Variants in TSPAN9 observed in about 807,000 individuals in gnomAD.
TSPAN9 encodes tetraspanin 9, also known as tetraspanin-9.
TSPAN9 carries 16 observed loss-of-function variants against 31.0 expected under a neutral mutation model. The observed-to-expected ratio is 0.52, with a 90% CI of 0.35 to 0.78. The LOEUF (loss-of-function observed/expected upper bound fraction) is 0.78. Among genes scored for constraint, TSPAN9 ranks in the 30% least tolerant of loss-of-function variants. TSPAN9 has a pLI of 0.01. For synonymous variants in TSPAN9, 145 were observed against 121.6 expected (o/e 1.19, Z -1.27); for missense variants, 272 against 312.5 (o/e 0.87, Z 0.98).
At chr12:3,111,245 T>C (rs1196451860) in intron 2 of TSPAN9, among the ~76,000 whole-genome samples, 2 of 152,170 alleles carry the variant, frequency 1.3e-5, no homozygotes, top group Admixed American at 6.5e-5. Flanking sequence ...AGATCCTACC[T>C]CCTCGTAACA....
At chr12:3,159,416 C>T (rs2098343907) in intron 2 of TSPAN9, among the ~76,000 whole-genome samples, 1 of 152,168 alleles carries the variant, frequency 6.6e-6, no homozygotes, top group Non-Finnish European at 1.5e-5. Context: ...ATCACACTCT[C>T]CCATTGTTAC....
intron 2 of TSPAN9, among the ~76,000 whole-genome samples, chr12:3,103,701 T>C (rs1440831146): frequency 2.0e-5 from 3 of 152,206 alleles, no homozygotes; most frequent in Non-Finnish European, 4.4e-5. Context: ...CTCAAAGGAC[T>C]AGCACCTGGA....
chr12:3,081,844 G>GTGTGTATATATATATATATATATATATA (rs57812985), intron 1 of TSPAN9, among the ~76,000 whole-genome samples: 47 of 116,760 alleles, frequency 4.0e-4, no homozygotes, highest in African/African-American at 1.7e-3. Context: ...GTCTGTGTGT[G>GTGTGTATATATATATATATATATATATA]TATATATATG....
rs1471143031 is a variant in TSPAN9 at position 3,281,297 on chromosome 12, G to C, written c.532G>C (p.Gly178Arg). ...RCCMENSQGCGRNATTPLWRT... is the reference protein window; with the variant it reads ...RCCMENSQGCRRNATTPLWRT... ...CTGCATGGAGAACTCCCAGGGCTGC[G>C]GGCGCAACGCCACCACGCCTTTGTG... Residue 178 changes from glycine to arginine, a missense_variant, in exon 7 of 9, where the codon GGG becomes CGG. Physicochemically the swap from Gly to Arg is moderately radical, Grantham distance 125. Transcript: ENST00000011898. The C allele has an allele frequency of 3.9e-6, 6 of 1,550,642 alleles. No homozygotes were observed. The highest frequency in any genetic ancestry group is 5.2e-6 in the Non-Finnish European group (6 of 1,146,738).
At chr12:3,141,635 G>A (rs567658308) in intron 2 of TSPAN9, among the ~76,000 whole-genome samples, 4 of 152,260 alleles carry the variant, frequency 2.6e-5, no homozygotes, top group African/African-American at 4.8e-5. Context: ...CTGACTCCTC[G>A]GTGTGCACGT....
At chr12:3,104,422 G>A (rs530878077) in intron 2 of TSPAN9, among the ~76,000 whole-genome samples, 1 of 152,024 alleles carries the variant, frequency 6.6e-6, no homozygotes, top group South Asian at 2.1e-4. Flanking sequence ...GCATGATCAT[G>A]GCTCACTGAA....
intron 2 of TSPAN9, among the ~76,000 whole-genome samples, chr12:3,130,716 T>A (rs933901985): frequency 9.2e-5 from 14 of 152,188 alleles, no homozygotes; most frequent in African/African-American, 2.7e-4. Context: ...GTCAGTGAGA[T>A]AACCTACACA....
chr12:3,272,125 G>A (rs892257269), intron 3 of TSPAN9, among the ~76,000 whole-genome samples: 1 of 152,156 alleles, frequency 6.6e-6, no homozygotes, highest in African/African-American at 2.4e-5. Flanking sequence ...AGGGTGTCAG[G>A]GGGGCCAGGT....
chr12:3,118,700 T>A (rs1264025452), intron 2 of TSPAN9, among the ~76,000 whole-genome samples: 1 of 152,200 alleles, frequency 6.6e-6, no homozygotes, highest in Non-Finnish European at 1.5e-5. Context: ...TCCCTGCAGC[T>A]GTGCCCAGTG....
At chr12:3,223,914 C>T (rs1034963635) in intron 3 of TSPAN9, among the ~76,000 whole-genome samples, 1 of 152,068 alleles carries the variant, frequency 6.6e-6, no homozygotes, top group Admixed American at 6.5e-5. Context: ...TGCTGGGTTC[C>T]ATCTCCTGAA....
intron 2 of TSPAN9, among the ~76,000 whole-genome samples, chr12:3,158,002 T>A (rs1436383753): frequency 6.6e-6 from 1 of 150,940 alleles, no homozygotes; most frequent in African/African-American, 2.4e-5. Flanking sequence ...CTTTATCTAC[T>A]AAAAAAAAAG....
intron 2 of TSPAN9, among the ~76,000 whole-genome samples, chr12:3,142,462 C>T (rs1256552085): frequency 6.6e-6 from 1 of 152,122 alleles, no homozygotes; most frequent in Non-Finnish European, 1.5e-5. Flanking sequence ...AGATGTGGGA[C>T]AAGGGCTGTG....
intron 2 of TSPAN9, among the ~76,000 whole-genome samples, chr12:3,084,955 C>T (rs897838089): frequency 6.6e-5 from 10 of 152,216 alleles, no homozygotes; most frequent in African/African-American, 9.6e-5. Flanking sequence ...GTCCTCCTCC[C>T]GCCTCCCTGG....
At chr12:3,111,531 C>G (rs1358167184) in intron 2 of TSPAN9, among the ~76,000 whole-genome samples, 1 of 151,676 alleles carries the variant, frequency 6.6e-6, no homozygotes, top group Non-Finnish European at 1.5e-5. Context: ...TAAAACTGCT[C>G]TCCTTTACTG....
At chr12:3,081,832 G>GTATATA (rs1190118465) in intron 1 of TSPAN9, among the ~76,000 whole-genome samples, 1 of 28,126 alleles carries the variant, frequency 3.6e-5, no homozygotes, top group Non-Finnish European at 5.7e-5. Flanking sequence ...GTGTGTGTGT[G>GTATATA]TGTCTGTGTG....
intron 2 of TSPAN9, among the ~76,000 whole-genome samples, chr12:3,129,392 T>C (rs1312660149): frequency 6.6e-6 from 1 of 152,220 alleles, no homozygotes; most frequent in African/African-American, 2.4e-5. Flanking sequence ...ATCCCCTTTA[T>C]GAAGCTGTAA....
At chr12:3,218,664 G>A (rs1336812709) in intron 3 of TSPAN9, among the ~76,000 whole-genome samples, 2 of 152,208 alleles carry the variant, frequency 1.3e-5, no homozygotes, top group South Asian at 2.1e-4. Context: ...GAAGGAGAAG[G>A]CACCAGGAAG....
chr12:3,263,574 A>C (rs1435024716), intron 3 of TSPAN9, among the ~76,000 whole-genome samples: 1 of 152,198 alleles, frequency 6.6e-6, no homozygotes, highest in Non-Finnish European at 1.5e-5. Flanking sequence ...TCTTTGCTTC[A>C]GCATTCCCAC....
At chr12:3,089,048 C>T (rs752492515) in intron 2 of TSPAN9, among the ~76,000 whole-genome samples, 25 of 151,658 alleles carry the variant, frequency 1.6e-4, no homozygotes, top group South Asian at 1.0e-3. Context: ...CTGGCTAACA[C>T]GGTGAAACCC....
Sources: gnomAD v4.1 joint callset for allele counts (sites outside exome capture counted in the v4.1 genomes callset) on GRCh38, gnomAD v4.1.1 for gene constraint, MANE v1.5 for transcripts, NCBI Gene and HGNC (gene_info 2026-07-23, HGNC 2026-07-21) for gene names.